The following KCNMA1 variants were observed in gnomAD, a reference collection of about 807,000 sequenced individuals.
The protein encoded by KCNMA1 is potassium calcium-activated channel subfamily M alpha 1.
KCNMA1 carries 29 observed loss-of-function variants against 140.0 expected under a neutral mutation model. The observed-to-expected ratio is 0.21, with a 90% CI of 0.15 to 0.28. KCNMA1 has a LOEUF of 0.28. KCNMA1 is among the 10% of genes least tolerant of loss of function. The pLI, the probability that KCNMA1 is intolerant of heterozygous loss-of-function variation, is 1.00. For synonymous variants in KCNMA1, 612 were observed against 611.9 expected, an observed-to-expected ratio of 1.00 and a Z score of 0.00; for missense variants, 880 against 1,602.2, an observed-to-expected ratio of 0.55 and a Z score of 7.70.
intron 27 of KCNMA1, 129 bp from the exon 28 acceptor site, chr10:76,887,644 G>T: frequency 9.7e-7 from 1 of 1,028,268 alleles, no homozygotes; most frequent in Non-Finnish European, 1.5e-6. Context: ...ACTCCTAGCT[G>T]GTCTGAGGCC....
At chr10:77,515,561 A>T (rs930059701) in intron 1 of KCNMA1, among the ~76,000 whole-genome samples, 8 of 152,148 alleles carry the variant, frequency 5.3e-5, no homozygotes, top group African/African-American at 1.9e-4. Flanking sequence ...ACACAGCACC[A>T]GCCAGAGGGC....
chr10:77,542,592 A>C (rs984812733), intron 1 of KCNMA1, among the ~76,000 whole-genome samples: 1 of 152,240 alleles, frequency 6.6e-6, no homozygotes, highest in African/African-American at 2.4e-5. Flanking sequence ...TTTTTTTAAA[A>C]GATACGCAGG....
chr10:77,383,528 G>A (rs181249590), intron 2 of KCNMA1, among the ~76,000 whole-genome samples: 115 of 151,380 alleles, frequency 7.6e-4, no homozygotes, highest in African/African-American at 2.5e-3. Flanking sequence ...TCACATGGTC[G>A]CTCAGCCATC....
At chr10:77,637,050 G>A in intron 1 of KCNMA1, 2 of 1,393,820 alleles carry the variant, frequency 1.4e-6, no homozygotes, top group Non-Finnish European at 1.9e-6. Flanking sequence ...GCGTCCCGGA[G>A]CGCACTGGCT....
chr10:77,112,012 A>G lies in KCNMA1; in HGVS notation c.960+355T>C, dbSNP rs897119226. ...GTTGTTTACTAGGAGGTGTGGGTCCAACTTCCAACCTTGTCCCCAGACCTT... is the reference window on the plus strand; with the variant it reads ...GTTGTTTACTAGGAGGTGTGGGTCCGACTTCCAACCTTGTCCCCAGACCTT... On this transcript the variant is annotated intron_variant, in intron 7 of 27. Coordinates refer to ENST00000286628, the MANE Select transcript of KCNMA1 (RefSeq NM_001161352.2). Among the ~76,000 whole-genome samples, 3 of 152,238 alleles carry G rather than the reference A, an allele frequency of 2.0e-5. 1 individual carries two copies. Among genetic ancestry groups the G allele is most frequent in the Non-Finnish European group, 4.4e-5 (3 of 68,042 alleles).
intron 3 of KCNMA1, among the ~76,000 whole-genome samples, chr10:77,234,070 AC>A (rs2054564948): frequency 6.6e-6 from 1 of 152,192 alleles, no homozygotes; most frequent in African/African-American, 2.4e-5. Context: ...TATTAATCCT[AC>A]TTTAAAATGA....
At chr10:77,014,973 T>C (rs942830460) in intron 17 of KCNMA1, among the ~76,000 whole-genome samples, 2 of 152,174 alleles carry the variant, frequency 1.3e-5, no homozygotes, top group Admixed American at 6.5e-5. Context: ...CCCACAACCA[T>C]GGATTTCAGG....
intron 16 of KCNMA1, chr10:77,022,914 C>A (rs577388845): frequency 2.2e-6 from 1 of 454,754 alleles, no homozygotes; most frequent in Admixed American, 2.4e-5. Context: ...ATGTAAATAT[C>A]CCAATATGTA....
rs17411944 is a variant in KCNMA1, at chr10:77,452,272, G to C, written c.379-48249C>G. 6.4e-3 allele frequency among the ~76,000 whole-genome samples: 974 copies of C among 152,300 alleles called. 14 individuals carry two copies. The highest frequency in any genetic ancestry group is 0.054 in the Middle Eastern group (16 of 294). Reference sequence around the variant, plus strand: ...CATGTCCTCATGTGAGACCCCAGATGGGGGAGATGATCACATTTGAGTTAC... The same window carrying C: ...CATGTCCTCATGTGAGACCCCAGATCGGGGAGATGATCACATTTGAGTTAC... On this transcript the variant is annotated intron_variant, in intron 1 of 27. Transcript: ENST00000286628.
intron 1 of KCNMA1, among the ~76,000 whole-genome samples, chr10:77,483,474 C>T (rs1031990189): frequency 5.3e-5 from 8 of 152,156 alleles, no homozygotes; most frequent in African/African-American, 1.9e-4. Context: ...TGCGCCACTC[C>T]CCCCAGAGAT....
chr10:77,326,461 A>G (rs979758991), intron 2 of KCNMA1, among the ~76,000 whole-genome samples: 24 of 152,188 alleles, frequency 1.6e-4, no homozygotes, highest in Non-Finnish European at 3.1e-4. Context: ...CACATAGCAC[A>G]GAATCTGGCA....
intron 1 of KCNMA1, among the ~76,000 whole-genome samples, chr10:77,408,131 T>C (rs879706966): frequency 3.2e-4 from 48 of 152,040 alleles, no homozygotes; most frequent in African/African-American, 1.1e-3. Flanking sequence ...TAGATCAACC[T>C]CCCATTTTTA....
intron 3 of KCNMA1, among the ~76,000 whole-genome samples, chr10:77,188,917 A>G (rs2098910828): frequency 6.6e-6 from 1 of 152,064 alleles, no homozygotes; most frequent in Non-Finnish European, 1.5e-5. Context: ...TCCAAGAGGG[A>G]AGGATCACCC....
At chr10:77,480,166 C>T (rs1157048641) in intron 1 of KCNMA1, among the ~76,000 whole-genome samples, 1 of 152,226 alleles carries the variant, frequency 6.6e-6, no homozygotes, top group Non-Finnish European at 1.5e-5. Context: ...TCCCCCACAC[C>T]CCTAAACCAC....
At chr10:77,302,546 A>G (rs767895458) in intron 2 of KCNMA1, among the ~76,000 whole-genome samples, 3 of 152,100 alleles carry the variant, frequency 2.0e-5, no homozygotes. Context: ...CAGGGTCCCA[A>G]TTTCTTGTCC....
chr10:77,452,413 AAAGT>A (rs1336286334), intron 1 of KCNMA1, among the ~76,000 whole-genome samples: 3 of 152,240 alleles, frequency 2.0e-5, no homozygotes, highest in Admixed American at 6.5e-5. Flanking sequence ...ATTAGAGAAT[AAAGT>A]AAGTGAGTTA....
chr10:77,183,594 G>A, intron 4 of KCNMA1, 62 bp from the exon 5 acceptor site: 1 of 1,133,762 alleles, frequency 8.8e-7, no homozygotes, highest in Non-Finnish European at 1.3e-6. Context: ...GGCATCCAAT[G>A]TACACTCTTT....
chr10:77,463,198 G>T (rs1226520661), intron 1 of KCNMA1, among the ~76,000 whole-genome samples: 1 of 152,084 alleles, frequency 6.6e-6, no homozygotes, highest in Non-Finnish European at 1.5e-5. Context: ...TGCAAAACTG[G>T]CTCAGAGAGA....
At chr10:77,228,007 C>T (rs2052143752) in intron 3 of KCNMA1, among the ~76,000 whole-genome samples, 1 of 150,990 alleles carries the variant, frequency 6.6e-6, no homozygotes, top group African/African-American at 2.4e-5. Context: ...TCTTGTCGCC[C>T]AGACTGGAGT....
Sources: gnomAD v4.1 joint callset for allele counts (sites outside exome capture counted in the v4.1 genomes callset) on GRCh38, gnomAD v4.1.1 for gene constraint, MANE v1.5 for transcripts, NCBI Gene and HGNC (gene_info 2026-07-23, HGNC 2026-07-21) for gene names.